The following KCNQ5 variants were observed in gnomAD, a reference collection of about 807,000 sequenced individuals.
KCNQ5 encodes potassium voltage-gated channel subfamily KQT member 5.
KCNQ5 carries 30 observed loss-of-function variants against 98.2 expected under a neutral mutation model. That is an observed-to-expected ratio of 0.31 (90% CI 0.23 to 0.41). The LOEUF is 0.41. Among genes scored for constraint, KCNQ5 ranks in the 10% least tolerant of loss-of-function variants. The probability of loss-of-function intolerance (pLI) is 1.00; values close to 1 mark genes in which losing one functional copy is unlikely to be tolerated. For synonymous variants in KCNQ5, 458 were observed against 449.4 expected (o/e 1.02, Z -0.24); for missense variants, 835 against 1,182.5 (o/e 0.71, Z 4.31).
intron 1 of KCNQ5, among the ~76,000 whole-genome samples, chr6:72,760,015 G>A (rs1772179484): frequency 6.6e-6 from 1 of 152,048 alleles, no homozygotes; most frequent in African/African-American, 2.4e-5. Flanking sequence ...AAGGAGAAGT[G>A]CAGCCAATCC....
intron 1 of KCNQ5, among the ~76,000 whole-genome samples, chr6:72,679,942 G>A (rs1767618771): frequency 6.6e-6 from 1 of 152,160 alleles, no homozygotes; most frequent in Non-Finnish European, 1.5e-5. Context: ...GGAGGCTGAG[G>A]CAGGAGAATA....
At chr6:73,180,647 C>A (rs553155454) in intron 11 of KCNQ5, among the ~76,000 whole-genome samples, 1 of 152,308 alleles carries the variant, frequency 6.6e-6, no homozygotes, top group South Asian at 2.1e-4. Context: ...TGGCTCTCAA[C>A]CTTGGCCACA....
intron 1 of KCNQ5, among the ~76,000 whole-genome samples, chr6:72,962,564 T>G (rs1281363268): frequency 6.6e-6 from 1 of 152,112 alleles, no homozygotes; most frequent in Non-Finnish European, 1.5e-5. Flanking sequence ...GTCTGGGTCA[T>G]GCATGGTGGC....
intron 1 of KCNQ5, among the ~76,000 whole-genome samples, chr6:72,829,381 G>A (rs1776136060): frequency 6.6e-6 from 1 of 152,128 alleles, no homozygotes; most frequent in Admixed American, 6.6e-5. Flanking sequence ...TTATAAAGGA[G>A]CATTTTTGGT....
chr6:72,655,054 TTC>T (rs1399610641), intron 1 of KCNQ5, among the ~76,000 whole-genome samples: 1 of 149,326 alleles, frequency 6.7e-6, no homozygotes, highest in African/African-American at 2.5e-5. Context: ...CTTTCTTTCT[TTC>T]TTTCTTTCTT....
At chr6:72,948,367 T>C (rs1394946141) in intron 1 of KCNQ5, among the ~76,000 whole-genome samples, 1 of 152,052 alleles carries the variant, frequency 6.6e-6, no homozygotes, top group Non-Finnish European at 1.5e-5. Context: ...TTGTTCTGAA[T>C]CTTCTGGCTG....
intron 1 of KCNQ5, among the ~76,000 whole-genome samples, chr6:72,648,664 A>G (rs941402791): frequency 1.3e-5 from 2 of 151,992 alleles, no homozygotes; most frequent in African/African-American, 4.8e-5. Flanking sequence ...GAGGAAAATG[A>G]TATTAAGGAG....
chr6:72,846,753 G>C (rs1445799643), intron 1 of KCNQ5, among the ~76,000 whole-genome samples: 1 of 152,154 alleles, frequency 6.6e-6, no homozygotes, highest in African/African-American at 2.4e-5. Flanking sequence ...GCTGTTAAAA[G>C]TGTCAAATTC....
At chr6:73,037,960 T>A (rs568061882) in intron 2 of KCNQ5, among the ~76,000 whole-genome samples, 1 of 152,252 alleles carries the variant, frequency 6.6e-6, no homozygotes, top group South Asian at 2.1e-4. Context: ...GTAGATCAAT[T>A]TGGGAAGAAT....
chr6:72,627,366 T>C (rs1410437548), intron 1 of KCNQ5, among the ~76,000 whole-genome samples: 1 of 151,964 alleles, frequency 6.6e-6, no homozygotes, highest in African/African-American at 2.4e-5. Context: ...TAAGAGCCAA[T>C]GGAAGAACCT....
At chr6:73,160,723 G>A (rs529665711) in intron 10 of KCNQ5, among the ~76,000 whole-genome samples, 2 of 152,338 alleles carry the variant, frequency 1.3e-5, no homozygotes, top group African/African-American at 4.8e-5. Flanking sequence ...CTCTGGCTGA[G>A]GGAGACCAGG....
chr6:72,670,130 G>T (rs1767027210), intron 1 of KCNQ5, among the ~76,000 whole-genome samples: 2 of 152,078 alleles, frequency 1.3e-5, no homozygotes, highest in South Asian at 2.1e-4. Context: ...GACAATTCAG[G>T]CAAGGTCTTT....
At chr6:72,683,350 T>A (rs905637793) in intron 1 of KCNQ5, among the ~76,000 whole-genome samples, 8 of 150,010 alleles carry the variant, frequency 5.3e-5, no homozygotes, top group African/African-American at 2.0e-4. Flanking sequence ...CAAGTGCTTG[T>A]TAGCCACATA....
chr6:72,686,018 A>AT (rs1411677902), intron 1 of KCNQ5, among the ~76,000 whole-genome samples: 11 of 152,182 alleles, frequency 7.2e-5, no homozygotes, highest in Non-Finnish European at 1.5e-4. Context: ...ATGTTTAGAG[A>AT]GAGAGCTGTG....
chr6:72,927,920 G>T (rs1469676822), intron 1 of KCNQ5, among the ~76,000 whole-genome samples: 2 of 151,926 alleles, frequency 1.3e-5, no homozygotes, highest in Admixed American at 6.6e-5. Context: ...AGAAACATTG[G>T]TTCCCATTCC....
chr6:72,903,880 C>T (rs1449095333), intron 1 of KCNQ5, among the ~76,000 whole-genome samples: 3 of 152,064 alleles, frequency 2.0e-5, no homozygotes, highest in African/African-American at 7.2e-5. Flanking sequence ...TCCATTATTT[C>T]TTTGTTGACT....
chr6:73,192,108 T>C (rs894327575), intron 12 of KCNQ5, among the ~76,000 whole-genome samples: 1 of 152,242 alleles, frequency 6.6e-6, no homozygotes, highest in Non-Finnish European at 1.5e-5. Flanking sequence ...CTTGGGTTTC[T>C]AGCTCATGTA....
At chr6:72,935,085 T>A (rs2150233059) in intron 1 of KCNQ5, among the ~76,000 whole-genome samples, 1 of 148,396 alleles carries the variant, frequency 6.7e-6, no homozygotes, top group Admixed American at 6.7e-5. Context: ...TTTTTTTTTT[T>A]TTTGAGATGG....
In KCNQ5 at chr6:73,096,231, T is replaced by C. The variant is rs2150409988; in HGVS notation, c.919-9026T>C. ...TTGGGAAGTGGCTTAAATTAGGTGA[T>C]CTGGGATGGTTTTCTGTGGAGCTGA... is the stretch of plus-strand genomic sequence containing the variant. On this transcript the variant is annotated intron_variant, in intron 5 of 13. Coordinates refer to ENST00000370398, the MANE Select transcript of KCNQ5 (RefSeq NM_019842.4). Among the ~76,000 whole-genome samples, 3 of 151,264 alleles carry C rather than the reference T, an allele frequency of 2.0e-5. No homozygotes were observed. The South Asian group carries it at 6.3e-4, about 32-fold the overall frequency.
Sources: allele counts gnomAD v4.1 joint callset (sites outside exome capture counted in the v4.1 genomes callset), GRCh38; gene constraint gnomAD v4.1.1; transcripts MANE v1.5; gene names NCBI Gene and HGNC (gene_info 2026-07-23, HGNC 2026-07-21).